Variants in CLIC4 observed in about 807,000 individuals in gnomAD.
The protein encoded by CLIC4 is CLIC family member 4.
A neutral mutation model predicts 24.6 loss-of-function variants in CLIC4; 13 were observed. That is an observed-to-expected ratio of 0.53 (90% CI 0.34 to 0.84). CLIC4 has a LOEUF of 0.84. Among genes scored for constraint, CLIC4 ranks in the 40% least tolerant of loss-of-function variants. The pLI, the probability that CLIC4 is intolerant of heterozygous loss-of-function variation, is 0.01. For missense variants in CLIC4, 227 were observed against 301.7 expected (o/e 0.75, Z 1.83); for synonymous variants, 104 against 111.3 (o/e 0.93, Z 0.41).
At chr1:24,794,296 C>T (rs548818610) in intron 1 of CLIC4, among the ~76,000 whole-genome samples, 2 of 151,922 alleles carry the variant, frequency 1.3e-5, no homozygotes, top group Admixed American at 6.5e-5. Flanking sequence ...AACTAATTTA[C>T]ACTCCCACCA....
chr1:24,749,497 CTG>C (rs1638748405), intron 1 of CLIC4, among the ~76,000 whole-genome samples: 1 of 152,206 alleles, frequency 6.6e-6, no homozygotes, highest in Non-Finnish European at 1.5e-5. Flanking sequence ...AATAGTATGA[CTG>C]AACTCACAGC....
intron 1 of CLIC4, chr1:24,793,161 T>G (rs1474431926): frequency 5.2e-5 from 3 of 57,450 alleles, no homozygotes; most frequent in African/African-American, 4.0e-4. Context: ...TACTGTTGTT[T>G]TTTTTTTTTT....
intron 1 of CLIC4, among the ~76,000 whole-genome samples, chr1:24,758,745 C>T (rs1206187982): frequency 6.6e-6 from 1 of 152,112 alleles, no homozygotes; most frequent in Non-Finnish European, 1.5e-5. Flanking sequence ...AGGCATGAGC[C>T]ATCATGCCCG....
At chr1:24,836,086 T>C (rs968586454) in intron 4 of CLIC4, among the ~76,000 whole-genome samples, 3 of 152,148 alleles carry the variant, frequency 2.0e-5, no homozygotes, top group Non-Finnish European at 4.4e-5. Context: ...CACACTGACA[T>C]TGGATGAAGT....
At chr1:24,826,911 A>G in intron 3 of CLIC4, 99 bp from the exon 4 acceptor site, 1 of 739,278 alleles carries the variant, frequency 1.4e-6, no homozygotes, top group Non-Finnish European at 2.2e-6. Context: ...AGTAATAACT[A>G]TTAAAAGACG....
At chr1:24,766,473 G>GTTTTTTTTTTTTTTTTTTTTTTTTTTT (rs71032855) in intron 1 of CLIC4, among the ~76,000 whole-genome samples, 1 of 62,040 alleles carries the variant, frequency 1.6e-5, no homozygotes, top group Non-Finnish European at 3.1e-5. Context: ...TGCCCAGACG[G>GTTTTTTTTTTTTTTTTTTTTTTTTTTT]TTTTTTTTTT....
Position 24,814,100 on chromosome 1 carries a change from A to T in CLIC4, c.189A>T (p.Pro63=), listed in dbSNP as rs1481312412. 2 of 1,613,658 alleles carry T rather than the reference A, an allele frequency of 1.2e-6. No homozygotes were observed. Among genetic ancestry groups the T allele is most frequent in the Non-Finnish European group, 1.7e-6 (2 of 1,180,032 alleles). The change falls in exon 3 of 6, where the codon CCA becomes CCT. Residue 63 remains proline (P), a synonymous_variant. Transcript: ENST00000374379. ...CCAATATTTTGCCCAACAGGAAGCCAGCAGACCTGCAGAACTTGGCTCCCG... is the reference window on the plus strand; with the variant it reads ...CCAATATTTTGCCCAACAGGAAGCCTGCAGACCTGCAGAACTTGGCTCCCG... ...SVTTVDLKRK[P]ADLQNLAPGT...
chr1:24,843,101 T>G lies in CLIC4; in HGVS notation c.*2164T>G, dbSNP rs1639958850. 2 of 152,218 alleles carry G rather than the reference T, an allele frequency of 1.3e-5. No homozygotes were observed. The highest frequency in any genetic ancestry group is 4.1e-4 in the South Asian group (2 of 4,834). The allele number at this position is 152,218 out of a possible 1,614,324, so 9.4% of individuals were successfully genotyped here. A position where few individuals can be genotyped will look rare whatever the true frequency, so the allele number is the denominator to read the frequency against. ...CTCCTGTTTTTATTAAACCAGTGAT[T>G]ACACCTGGCCATCCCTCTAAATGTT... On this transcript the variant is annotated 3_prime_UTR_variant, in exon 6 of 6. Coordinates refer to ENST00000374379, the MANE Select transcript of CLIC4 (RefSeq NM_013943.3).
At chr1:24,830,917 ACTC>A (rs1430908417) in intron 4 of CLIC4, among the ~76,000 whole-genome samples, 1 of 151,388 alleles carries the variant, frequency 6.6e-6, no homozygotes, top group Non-Finnish European at 1.5e-5. Flanking sequence ...ATATTTACAT[ACTC>A]CTTTGTGATG....
chr1:24,790,362 A>G (rs1639319113), intron 1 of CLIC4, among the ~76,000 whole-genome samples: 1 of 152,190 alleles, frequency 6.6e-6, no homozygotes, highest in Non-Finnish European at 1.5e-5. Flanking sequence ...GTGAGCCACC[A>G]TGCCTAGCCC....
intron 2 of CLIC4, among the ~76,000 whole-genome samples, chr1:24,804,044 C>T (rs887250878): frequency 3.9e-5 from 6 of 152,136 alleles, no homozygotes; most frequent in African/African-American, 1.4e-4. Context: ...GTTTTATCTT[C>T]ATGATCATGT....
Position 24,841,089 on chromosome 1 carries a change from A to G in CLIC4, c.*152A>G. The G allele has an allele frequency of 1.9e-6, 1 of 534,758 alleles. No individual in the cohort carries two copies. Among genetic ancestry groups the G allele is most frequent in the Non-Finnish European group, 3.1e-6 (1 of 318,776 alleles). The allele number at this position is 534,758 out of a possible 1,614,324, so 33.1% of individuals were successfully genotyped here. A position where few individuals can be genotyped will look rare whatever the true frequency, so the allele number is the denominator to read the frequency against. The stretch of plus-strand genomic sequence containing the variant: ...CAAGGATAGACAAGGTATAGTAGTT[A>G]TCTTAAAATATACACTCCTAAGCAG... On this transcript the variant is annotated 3_prime_UTR_variant, in exon 6 of 6. Transcript: ENST00000374379.
intron 1 of CLIC4, among the ~76,000 whole-genome samples, chr1:24,778,992 C>T (rs1375108429): frequency 6.6e-6 from 1 of 152,074 alleles, no homozygotes; most frequent in Non-Finnish European, 1.5e-5. Context: ...GACTACTTTG[C>T]ATTTAGCATT....
At chr1:24,745,808 C>T (rs1484425181) in intron 1 of CLIC4, among the ~76,000 whole-genome samples, 183 bp downstream of exon 1, 2 of 151,644 alleles carry the variant, frequency 1.3e-5, no homozygotes, top group African/African-American at 2.4e-5. Context: ...TCCGAGGGCC[C>T]GTCGAGGGGT....
chr1:24,817,966 C>T (rs1033736144), intron 3 of CLIC4, among the ~76,000 whole-genome samples: 2 of 152,136 alleles, frequency 1.3e-5, no homozygotes, highest in East Asian at 3.8e-4. Context: ...GTTAAGTGTG[C>T]TGTCTTATAT....
Position 24,841,069 on chromosome 1 carries a change from A to G in CLIC4, c.*132A>G. 2.8e-6 allele frequency: 2 copies of G among 706,884 alleles called. No individual in the cohort carries two copies. Among genetic ancestry groups the G allele is most frequent in the Non-Finnish European group, 4.6e-6 (2 of 435,904 alleles). 43.8% of individuals were successfully genotyped at this position (706,884 alleles called of 1,614,324 possible). ...CAGTTATTGAAGATTAGGATCAAGG[A>G]TAGACAAGGTATAGTAGTTATCTTA... On this transcript the variant is annotated 3_prime_UTR_variant, in exon 6 of 6. Transcript: ENST00000374379.
At chr1:24,809,713 G>A (rs1373947691) in intron 2 of CLIC4, among the ~76,000 whole-genome samples, 2 of 152,022 alleles carry the variant, frequency 1.3e-5, no homozygotes, top group African/African-American at 4.8e-5. Context: ...CACCCGCTTC[G>A]GCCTCACAAA....
chr1:24,825,066 CAG>C (rs1429919207), intron 3 of CLIC4, among the ~76,000 whole-genome samples: 1 of 150,868 alleles, frequency 6.6e-6, no homozygotes, highest in East Asian at 1.9e-4. Flanking sequence ...TAATACATCT[CAG>C]AGGGACAACA....
chr1:24,781,274 A>G (rs1351262535), intron 1 of CLIC4, among the ~76,000 whole-genome samples: 1 of 148,946 alleles, frequency 6.7e-6, no homozygotes, highest in African/African-American at 2.5e-5. Context: ...TGCTGGGACT[A>G]CAGGCACACG....
Sources: allele counts gnomAD v4.1 joint callset (sites outside exome capture counted in the v4.1 genomes callset), GRCh38; gene constraint gnomAD v4.1.1; transcripts MANE v1.5; gene names NCBI Gene and HGNC (gene_info 2026-07-23, HGNC 2026-07-21).